NRXN3: variants seen among roughly 807,000 people sequenced by gnomAD.
The protein encoded by NRXN3 is neurexin III.
Under a neutral mutation model 137.6 loss-of-function variants are expected in NRXN3, and 32 were observed. The observed-to-expected ratio is 0.23, with a 90% CI of 0.18 to 0.31. NRXN3 has a LOEUF of 0.31. NRXN3 is among the 10% of genes least tolerant of loss of function. The probability of loss-of-function intolerance (pLI) is 1.00; values close to 1 mark genes in which losing one functional copy is unlikely to be tolerated. For synonymous variants in NRXN3, 798 were observed against 784.5 expected (o/e 1.02, Z -0.29); for missense variants, 1,574 against 2,062.5 (o/e 0.76, Z 4.59).
chr14:78,598,150 A>C (rs777079890), intron 4 of NRXN3, among the ~76,000 whole-genome samples: 7 of 152,148 alleles, frequency 4.6e-5, no homozygotes, highest in Non-Finnish European at 7.3e-5. Context: ...CATGGCAGTG[A>C]TTTGTGTGCA....
chr14:78,696,183 G>C (rs954761235), intron 6 of NRXN3, among the ~76,000 whole-genome samples: 30 of 151,980 alleles, frequency 2.0e-4, no homozygotes, highest in African/African-American at 6.3e-4. Flanking sequence ...AAGAATCTTA[G>C]TTTCTCTTCT....
At chr14:78,483,223 C>T (rs1264523938) in intron 4 of NRXN3, among the ~76,000 whole-genome samples, 1 of 152,192 alleles carries the variant, frequency 6.6e-6, no homozygotes, top group African/African-American at 2.4e-5. Flanking sequence ...CTGGGAAGTG[C>T]TTAGAGCCCC....
intron 1 of NRXN3, among the ~76,000 whole-genome samples, chr14:78,176,878 GTC>G (rs1401709170): frequency 2.0e-5 from 3 of 152,002 alleles, no homozygotes; most frequent in Non-Finnish European, 4.4e-5. Flanking sequence ...TGGTAGGTGT[GTC>G]TCTAAGGAAG....
chr14:79,466,632 T>C (rs2096429598), intron 15 of NRXN3, among the ~76,000 whole-genome samples: 2 of 152,080 alleles, frequency 1.3e-5, no homozygotes, highest in Admixed American at 6.6e-5. Flanking sequence ...TTACCATGTT[T>C]ATAGCAACAC....
intron 4 of NRXN3, among the ~76,000 whole-genome samples, chr14:78,602,827 C>T (rs915369715): frequency 6.6e-6 from 1 of 152,152 alleles, no homozygotes; most frequent in Admixed American, 6.5e-5. Context: ...CTCATAAATC[C>T]ACTTTGCTAC....
intron 16 of NRXN3, among the ~76,000 whole-genome samples, chr14:79,576,066 A>AT (rs1320299166): frequency 2.6e-5 from 4 of 152,182 alleles, no homozygotes; most frequent in Non-Finnish European, 5.9e-5. Context: ...GTGCAAAAGA[A>AT]TGTGTAGTTG....
At chr14:78,212,423 T>A (rs2062837949) in intron 1 of NRXN3, among the ~76,000 whole-genome samples, 1 of 152,216 alleles carries the variant, frequency 6.6e-6, no homozygotes, top group South Asian at 2.1e-4. Context: ...AAACCCAGTC[T>A]GTAGATTCTC....
intron 16 of NRXN3, among the ~76,000 whole-genome samples, chr14:79,520,203 G>A (rs80003114): frequency 0.015 from 2,319 of 151,992 alleles, 29 homozygotes; most frequent in East Asian, 0.054. Context: ...GATCCCTATC[G>A]CTGATTTATT....
chr14:78,836,252 A>G (rs923947200), intron 10 of NRXN3, among the ~76,000 whole-genome samples: 3 of 152,232 alleles, frequency 2.0e-5, no homozygotes, highest in Non-Finnish European at 2.9e-5. Context: ...TACTTATTCT[A>G]TTATCTGCCA....
Position 78,806,565 on chromosome 14 carries a change from C to T in NRXN3, c.2248+2742C>T, listed in dbSNP as rs115581329. On this transcript the variant is annotated intron_variant, in intron 9 of 20. Transcript: ENST00000335750. ...ATTTTAGTTTATTTCAAATTGATCA[C>T]ACATATGCATTCATGATATAAAAGC... Among the ~76,000 whole-genome samples the T allele has an allele frequency of 7.9e-3, 1,209 of 152,302 alleles. 16 individuals are homozygous for T. Among genetic ancestry groups the T allele is most frequent in the African/African-American group, 0.028 (1,152 of 41,558 alleles).
intron 1 of NRXN3, among the ~76,000 whole-genome samples, chr14:78,232,302 A>G (rs889165282): frequency 6.6e-6 from 1 of 152,238 alleles, no homozygotes; most frequent in African/African-American, 2.4e-5. Flanking sequence ...TTTGTCAAGT[A>G]ATGGGAATAA....
intron 2 of NRXN3, among the ~76,000 whole-genome samples, chr14:78,271,631 T>A (rs2153488421): frequency 6.6e-6 from 1 of 152,336 alleles, no homozygotes; most frequent in Admixed American, 6.5e-5. Context: ...AGTACAGCAG[T>A]GACCTGGCCC....
At chr14:78,610,052 G>C (rs2097287248) in intron 4 of NRXN3, among the ~76,000 whole-genome samples, 1 of 151,780 alleles carries the variant, frequency 6.6e-6, no homozygotes, top group Non-Finnish European at 1.5e-5. Context: ...GAGAGAGAGA[G>C]AGGAGAGAGA....
chr14:79,610,731 A>G (rs866065356), intron 16 of NRXN3, among the ~76,000 whole-genome samples: 39 of 152,336 alleles, frequency 2.6e-4, no homozygotes, highest in Middle Eastern at 6.8e-3. Context: ...TAGGAGGCAA[A>G]CTAGCCCTTT....
intron 4 of NRXN3, among the ~76,000 whole-genome samples, chr14:78,633,267 A>AAAAAAAAAAAAAAAAAAGAG (rs1376443966): frequency 6.7e-6 from 1 of 150,182 alleles, no homozygotes; most frequent in African/African-American, 2.5e-5. Flanking sequence ...AAAAAAAAAA[A>AAAAAAAAAAAAAAAAAAGAG]AGAGACTGGT....
At chr14:78,204,898 G>A (rs538893092) in intron 1 of NRXN3, among the ~76,000 whole-genome samples, 101 of 143,774 alleles carry the variant, frequency 7.0e-4, no homozygotes, top group African/African-American at 2.1e-3. Context: ...GCCTTTTCAC[G>A]TTCTTTGAGG....
intron 15 of NRXN3, among the ~76,000 whole-genome samples, chr14:79,075,410 G>GACAATGCATAA (rs2045802088): frequency 6.6e-6 from 1 of 152,148 alleles, no homozygotes; most frequent in Non-Finnish European, 1.5e-5. Context: ...GTAGGACATT[G>GACAATGCATAA]ACAATGCATA....
chr14:79,043,839 T>C (rs530081148), intron 15 of NRXN3, among the ~76,000 whole-genome samples: 2 of 152,178 alleles, frequency 1.3e-5, no homozygotes, highest in African/African-American at 2.4e-5. Context: ...AAAGCTACCA[T>C]GTGAAGATCC....
At chr14:79,490,070 T>C (rs2096701031) in intron 16 of NRXN3, among the ~76,000 whole-genome samples, 1 of 149,476 alleles carries the variant, frequency 6.7e-6, no homozygotes, top group African/African-American at 2.5e-5. Flanking sequence ...ATCTGGTAAT[T>C]TCTCTTTCAT....
Sources: allele counts gnomAD v4.1 joint callset (sites outside exome capture counted in the v4.1 genomes callset), GRCh38; gene constraint gnomAD v4.1.1; transcripts MANE v1.5; gene names NCBI Gene and HGNC (gene_info 2026-07-23, HGNC 2026-07-21).